OGDH: variants seen among roughly 807,000 people sequenced by gnomAD.
The protein encoded by OGDH is 2-oxoglutarate dehydrogenase complex component E1.
In OGDH, 38 loss-of-function variants were observed where a neutral mutation model predicts 116.6. The ratio of observed to expected loss-of-function variants is 0.33; its 90% confidence interval spans 0.25 to 0.43. The LOEUF is 0.43. Among genes scored for constraint, OGDH ranks in the 20% least tolerant of loss-of-function variants. The pLI is 1.00. For missense variants in OGDH, 825 were observed against 1,357.2 expected (o/e 0.61, Z 6.16); for synonymous variants, 488 against 533.3 (o/e 0.92, Z 1.17).
intron 4 of OGDH, among the ~76,000 whole-genome samples, chr7:44,649,295 G>C (rs1240887724): frequency 6.9e-6 from 1 of 145,050 alleles, no homozygotes; most frequent in East Asian, 2.1e-4. Flanking sequence ...TGTCACCCAG[G>C]CTGGAGTGCA....
intron 4 of OGDH, among the ~76,000 whole-genome samples, chr7:44,666,311 A>G (rs1787184018): frequency 6.6e-6 from 1 of 152,128 alleles, no homozygotes; most frequent in Non-Finnish European, 1.5e-5. Flanking sequence ...GTTCTTCTAT[A>G]TCAGTTCTTC....
chr7:44,687,916 C>T (rs771818610), intron 10 of OGDH, among the ~76,000 whole-genome samples: 3 of 152,118 alleles, frequency 2.0e-5, no homozygotes, highest in African/African-American at 4.8e-5. Context: ...TATCTTACTC[C>T]TACCCCTCCA....
intron 2 of OGDH, among the ~76,000 whole-genome samples, chr7:44,639,849 C>T (rs1785849289): frequency 6.6e-6 from 1 of 152,230 alleles, no homozygotes; most frequent in African/African-American, 2.4e-5. Context: ...AAGTTGCATT[C>T]CCAGCATTTT....
Position 44,694,692 on chromosome 7 carries a change from T to G in OGDH, c.1668+116T>G, listed in dbSNP as rs1403139648. The stretch of plus-strand genomic sequence containing the variant: ...AGTTATGAGGATACACGTGAGAGGA[T>G]GTGAAATATTTACAACTACAGCATT... On this transcript the variant is annotated intron_variant, in intron 12 of 22. Coordinates refer to ENST00000222673, the MANE Select transcript of OGDH (RefSeq NM_002541.4). The surrounding 1 kb of genome is among the most constrained non-coding windows in gnomAD (Gnocchi z 4.2). 1.7e-6 allele frequency: 2 copies of G among 1,166,134 alleles called. No individual in the cohort carries two copies. The highest frequency in any genetic ancestry group is 2.4e-6 in the Non-Finnish European group (2 of 821,446). 72.2% of individuals were successfully genotyped at this position (1,166,134 alleles called of 1,614,324 possible). A position where few individuals can be genotyped will look rare whatever the true frequency, so the allele number is the denominator to read the frequency against.
chr7:44,669,946 C>T lies in OGDH; in HGVS notation c.633+3095C>T, dbSNP rs549473322. On this transcript the variant is annotated intron_variant, in intron 5 of 22. Transcript: ENST00000222673. ...CAGACAGATCTTAAGCTATTGATCA[C>T]GTGATGTGGTGGTCAATTTGTACCT... 3.0e-4 allele frequency among the ~76,000 whole-genome samples: 46 copies of T among 152,202 alleles called. No homozygotes were observed. The South Asian group carries it at 3.1e-3, about 10-fold the overall frequency.
intron 1 of OGDH, among the ~76,000 whole-genome samples, chr7:44,614,232 CTT>C (rs751896865): frequency 1.5e-5 from 2 of 136,094 alleles, no homozygotes; most frequent in African/African-American, 2.7e-5. Flanking sequence ...GATTACAGGC[CTT>C]TTTTTTTTTT....
Position 44,673,907 on chromosome 7 carries a change from C to T in OGDH, c.754C>T (p.Arg252Trp), listed in dbSNP as rs1283978294. ...GIMQFTNEEK[R>W]TLLARLVRST... ...CATGCAGTTCACAAATGAGGAGAAA[C>T]GGACCCTGCTGGCCAGGCTTGTGCG... The change falls in exon 6 of 23, where the codon CGG becomes TGG. Residue 252 changes from arginine (R) to tryptophan (W), a missense_variant. By Grantham distance (101) the Arg-to-Trp change is moderately radical. Transcript: ENST00000222673. The T allele has an allele frequency of 4.3e-6, 7 of 1,614,096 alleles. No individual in the cohort carries two copies. The highest frequency in any genetic ancestry group is 5.9e-6 in the Non-Finnish European group (7 of 1,180,042).
intron 10 of OGDH, among the ~76,000 whole-genome samples, chr7:44,685,825 T>A (rs1001265079): frequency 4.0e-5 from 6 of 151,822 alleles, no homozygotes; most frequent in Non-Finnish European, 7.4e-5. Flanking sequence ...GGTCTCTCTA[T>A]GTTGCCCAGG....
chr7:44,683,548 T>A (rs1788016518), intron 10 of OGDH, among the ~76,000 whole-genome samples: 1 of 152,188 alleles, frequency 6.6e-6, no homozygotes, highest in Non-Finnish European at 1.5e-5. Context: ...TTTCTTCTGG[T>A]TCCACAGGCA....
chr7:44,635,082 G>A (rs181225027), intron 2 of OGDH, among the ~76,000 whole-genome samples: 1 of 152,292 alleles, frequency 6.6e-6, no homozygotes, highest in East Asian at 1.9e-4. Context: ...GGCCTGCCCT[G>A]TCTTGTGTGC....
intron 1 of OGDH, among the ~76,000 whole-genome samples, chr7:44,619,705 A>G (rs1784936463): frequency 6.6e-6 from 1 of 152,208 alleles, no homozygotes; most frequent in African/African-American, 2.4e-5. Context: ...TCATAGCAAC[A>G]ATAATGCTGC....
At chr7:44,635,246 G>A (rs979747855) in intron 2 of OGDH, among the ~76,000 whole-genome samples, 3 of 152,186 alleles carry the variant, frequency 2.0e-5, no homozygotes, top group Non-Finnish European at 4.4e-5. Context: ...TGAAAGAAGA[G>A]CCATACGCCG....
chr7:44,607,555 C>T (rs1490980586), intron 1 of OGDH, among the ~76,000 whole-genome samples: 1 of 152,100 alleles, frequency 6.6e-6, no homozygotes, highest in South Asian at 2.1e-4. Context: ...GGGATAAAGC[C>T]TTTTTTTGTA....
rs758035882 is a variant in OGDH at position 44,707,719 on chromosome 7, C to G, written c.2934C>G (p.Ser978Arg). ...AGCCAAGACTTCGGACCACCATCAG[C>G]CGCGCCAAGCCCGTCTGGTAAGGCT... is the stretch of plus-strand genomic sequence containing the variant. ...YVKPRLRTTI[S>R]RAKPVWYAGR... The change falls in exon 22 of 23, where the codon AGC becomes AGG. Residue 978 changes from serine (S) to arginine (R), a missense_variant. Around this residue, in one of 7 missense-constraint regions of OGDH, gnomAD observed 212 missense variants for 284.3 expected, o/e 0.75. Coordinates refer to ENST00000222673, the MANE Select transcript of OGDH (RefSeq NM_002541.4). The surrounding 1 kb of genome is among the most constrained non-coding windows in gnomAD (Gnocchi z 5.2). The G allele has an allele frequency of 6.2e-7, 1 of 1,614,172 alleles. No individual in the cohort carries two copies. Among genetic ancestry groups the G allele is most frequent in the South Asian group, 1.1e-5 (1 of 91,080 alleles).
chr7:44,668,445 C>CA (rs142889667), intron 5 of OGDH, among the ~76,000 whole-genome samples: 13,939 of 150,886 alleles, frequency 0.092, 1,291 homozygotes, highest in East Asian at 0.36. Context: ...CAAAAACAAA[C>CA]AAAAAAAAAC....
At position 44,696,518 on chromosome 7, in the gene OGDH, G is replaced by T; in HGVS notation, c.1861G>T (p.Ala621Ser). The T allele has an allele frequency of 1.5e-5, 25 of 1,614,234 alleles. No individual in the cohort carries two copies. Among genetic ancestry groups the T allele is most frequent in the Non-Finnish European group, 2.0e-5 (24 of 1,180,044 alleles). Residue 621 changes from alanine to serine, a missense_variant, in exon 14 of 23, where the codon GCT becomes TCT. Coordinates refer to ENST00000222673, the MANE Select transcript of OGDH (RefSeq NM_002541.4). Reference protein sequence around the residue: ...EDILTHIGNVASSVPVENFTI... With the variant: ...EDILTHIGNVSSSVPVENFTI... ...TATTCTGACACACATCGGGAATGTG[G>T]CTAGTTCTGTGCCTGTGGAAAACTT... is the stretch of plus-strand genomic sequence containing the variant.
intron 12 of OGDH, among the ~76,000 whole-genome samples, chr7:44,695,307 G>A (rs551096734): frequency 6.6e-6 from 1 of 152,190 alleles, no homozygotes; most frequent in East Asian, 1.9e-4. Flanking sequence ...TGTTGGCCAG[G>A]CTGGTCTTGA....
At chr7:44,642,023 A>C (rs993301487) in intron 2 of OGDH, among the ~76,000 whole-genome samples, 14 of 152,212 alleles carry the variant, frequency 9.2e-5, no homozygotes, top group Non-Finnish European at 4.4e-5. Context: ...GAGAACACTG[A>C]GTTTTCATGA....
In OGDH at chr7:44,624,423, G is replaced by T. The variant is rs145219519; in HGVS notation, c.80G>T (p.Arg27Ile). ...ACTGTTAAGACATTTTCACAAAACAGACCAGCAGCAGCTAGGACATTTCAA... is the reference window on the plus strand; with the variant it reads ...ACTGTTAAGACATTTTCACAAAACATACCAGCAGCAGCTAGGACATTTCAA... ...SQTVKTFSQN[R>I]PAAARTFQQI... Residue 27 changes from arginine to isoleucine, a missense_variant, in exon 2 of 23, where the codon AGA (arginine) becomes ATA (isoleucine). This residue lies in a region of OGDH where 126 missense variants were observed against 130.4 expected (regional missense o/e 0.97). Coordinates refer to ENST00000222673, the MANE Select transcript of OGDH (RefSeq NM_002541.4). 449 of 1,609,912 alleles carry T rather than the reference G, an allele frequency of 2.8e-4. 1 individual carries two copies. The highest frequency in any genetic ancestry group is 8.5e-4 in the Admixed American group (50 of 58,878).
Sources: allele counts gnomAD v4.1 joint callset (sites outside exome capture counted in the v4.1 genomes callset), GRCh38; gene constraint gnomAD v4.1.1; regional missense constraint gnomAD v4.1.1; non-coding constraint Gnocchi (gnomAD v3.1); transcripts MANE v1.5; gene names NCBI Gene and HGNC (gene_info 2026-07-23, HGNC 2026-07-21).